Variants in THSD7B observed in about 807,000 individuals in gnomAD.
THSD7B encodes thrombospondin type-1 domain-containing protein 7B.
In THSD7B, 138 loss-of-function variants were observed where a neutral mutation model predicts 213.6. The ratio of observed to expected loss-of-function variants is 0.65; its 90% confidence interval spans 0.56 to 0.74. The LOEUF (loss-of-function observed/expected upper bound fraction) is 0.74, where lower values mean the gene tolerates loss of function less well. THSD7B is among the 30% of genes least tolerant of loss of function. THSD7B has a pLI of 0.00. For synonymous variants in THSD7B, 742 were observed against 687.0 expected (o/e 1.08, Z -1.25); for missense variants, 1,931 against 1,991.5 (o/e 0.97, Z 0.58).
chr2:137,322,342 A>T lies in THSD7B; in HGVS notation c.2500+46316A>T, dbSNP rs1684279736. On this transcript the variant is annotated intron_variant, in intron 12 of 27. Transcript: ENST00000409968. ...ACACTTTCTCAGTAGAGACATTATG[A>T]TGATTAAAATGAAATTAGAGGAGTA... 1.3e-5 allele frequency among the ~76,000 whole-genome samples: 2 copies of T among 152,178 alleles called. 1 individual carries two copies. Among genetic ancestry groups the T allele is most frequent in the South Asian group, 4.1e-4 (2 of 4,822 alleles).
chr2:137,559,759 C>T (rs1250671410), intron 15 of THSD7B, among the ~76,000 whole-genome samples: 1 of 152,130 alleles, frequency 6.6e-6, no homozygotes, highest in Non-Finnish European at 1.5e-5. Flanking sequence ...AAAGAAACTA[C>T]CATCCAATTG....
In THSD7B at chr2:137,297,245, C is replaced by T. The variant is rs141276491; in HGVS notation, c.2500+21219C>T. 5.0e-3 allele frequency among the ~76,000 whole-genome samples: 743 copies of T among 149,126 alleles called. 6 individuals are homozygous for T. Among genetic ancestry groups the T allele is most frequent in the African/African-American group, 0.018 (706 of 40,320 alleles). Reference sequence around the variant, plus strand: ...GCTTCACTGAGATATGATCGCACCACTATTCTCCAGCTGGGGTGACAGAGC... The same window carrying T: ...GCTTCACTGAGATATGATCGCACCATTATTCTCCAGCTGGGGTGACAGAGC... On this transcript the variant is annotated intron_variant, in intron 12 of 27. Coordinates refer to ENST00000409968, the MANE Select transcript of THSD7B (RefSeq NM_001316349.2).
At chr2:136,942,514 C>T (rs1489466862) in intron 2 of THSD7B, among the ~76,000 whole-genome samples, 1 of 152,148 alleles carries the variant, frequency 6.6e-6, no homozygotes, top group East Asian at 1.9e-4. Context: ...TTTGTGTCCT[C>T]TTCTATTTCA....
intron 5 of THSD7B, among the ~76,000 whole-genome samples, chr2:137,126,692 A>G (rs926152578): frequency 6.6e-6 from 1 of 152,202 alleles, no homozygotes; most frequent in African/African-American, 2.4e-5. Flanking sequence ...TGCATTCAGA[A>G]CTGGGCTAAT....
At chr2:136,812,194 G>T (rs1296614735) in intron 1 of THSD7B, among the ~76,000 whole-genome samples, 1 of 152,154 alleles carries the variant, frequency 6.6e-6, no homozygotes, top group African/African-American at 2.4e-5. Flanking sequence ...TCTGGTTGCT[G>T]GATCACACTC....
At chr2:136,893,086 C>A (rs1683893264) in intron 2 of THSD7B, among the ~76,000 whole-genome samples, 1 of 152,138 alleles carries the variant, frequency 6.6e-6, no homozygotes, top group East Asian at 1.9e-4. Flanking sequence ...AACGGGAAGT[C>A]TTCTCATTTA....
chr2:137,134,242 G>A (rs905038228), intron 5 of THSD7B, among the ~76,000 whole-genome samples: 1 of 152,168 alleles, frequency 6.6e-6, no homozygotes, highest in African/African-American at 2.4e-5. Context: ...CTTACCCGCT[G>A]TTTCAGAGCA....
At chr2:136,836,974 A>T (rs939540943) in intron 1 of THSD7B, among the ~76,000 whole-genome samples, 3 of 152,104 alleles carry the variant, frequency 2.0e-5, no homozygotes, top group African/African-American at 7.2e-5. Flanking sequence ...TTCATATTCA[A>T]CCCATTAGCA....
chr2:137,583,610 A>T (rs1339667181), intron 17 of THSD7B, among the ~76,000 whole-genome samples: 8 of 152,070 alleles, frequency 5.3e-5, no homozygotes, highest in South Asian at 2.1e-4. Flanking sequence ...TTTCCCCATT[A>T]TTTGTTTTTC....
At chr2:137,281,936 G>A (rs1573931342) in intron 12 of THSD7B, among the ~76,000 whole-genome samples, 1 of 152,112 alleles carries the variant, frequency 6.6e-6, no homozygotes, top group African/African-American at 2.4e-5. Flanking sequence ...GGATGGCTGG[G>A]TCAAATGGTA....
At chr2:136,959,067 A>G (rs952063685) in intron 2 of THSD7B, among the ~76,000 whole-genome samples, 7 of 152,278 alleles carry the variant, frequency 4.6e-5, no homozygotes, top group African/African-American at 1.7e-4. Flanking sequence ...TTCTTTAAGG[A>G]GTGTAATTGG....
At chr2:137,532,608 G>A (rs181291035) in intron 15 of THSD7B, among the ~76,000 whole-genome samples, 7 of 151,880 alleles carry the variant, frequency 4.6e-5, no homozygotes, top group Non-Finnish European at 1.0e-4. Context: ...CTTGGTTATG[G>A]AATAGAGATA....
At chr2:137,351,162 TC>T (rs1382662528) in intron 12 of THSD7B, among the ~76,000 whole-genome samples, 2 of 151,990 alleles carry the variant, frequency 1.3e-5, no homozygotes, top group African/African-American at 4.8e-5. Flanking sequence ...AGGCTTAAGA[TC>T]ATTCCCTGAA....
At chr2:137,208,943 T>C (rs1450555235) in intron 7 of THSD7B, among the ~76,000 whole-genome samples, 2 of 152,112 alleles carry the variant, frequency 1.3e-5, no homozygotes, top group African/African-American at 2.4e-5. Flanking sequence ...CTGGTTATTG[T>C]ATAACTATGC....
chr2:136,915,011 G>A (rs1172274281), intron 2 of THSD7B, among the ~76,000 whole-genome samples: 2 of 152,126 alleles, frequency 1.3e-5, no homozygotes, highest in African/African-American at 4.8e-5. Flanking sequence ...AAAAATTCAA[G>A]TTAAAAATAA....
intron 15 of THSD7B, among the ~76,000 whole-genome samples, chr2:137,478,298 T>C (rs552598379): frequency 9.2e-5 from 14 of 152,302 alleles, no homozygotes; most frequent in African/African-American, 3.4e-4. Context: ...ACTGGGTTAT[T>C]TTGGAAGACC....
intron 5 of THSD7B, among the ~76,000 whole-genome samples, chr2:137,139,298 A>G (rs576388931): frequency 3.9e-5 from 6 of 152,302 alleles, no homozygotes; most frequent in African/African-American, 1.2e-4. Flanking sequence ...AGTCACCTCC[A>G]TTCTTTTAGA....
At chr2:137,131,099 T>A (rs1688722060) in intron 5 of THSD7B, among the ~76,000 whole-genome samples, 1 of 134,672 alleles carries the variant, frequency 7.4e-6, no homozygotes, top group Non-Finnish European at 1.6e-5. Context: ...TATCTCATTG[T>A]GGTTTTGATT....
At chr2:137,452,837 A>T (rs1319057104) in intron 15 of THSD7B, among the ~76,000 whole-genome samples, 1 of 152,180 alleles carries the variant, frequency 6.6e-6, no homozygotes, top group Non-Finnish European at 1.5e-5. Flanking sequence ...ACTTAAAGGA[A>T]ACTTGTTCTA....
Sources: gnomAD v4.1 joint callset for allele counts (sites outside exome capture counted in the v4.1 genomes callset) on GRCh38, gnomAD v4.1.1 for gene constraint, MANE v1.5 for transcripts, NCBI Gene and HGNC (gene_info 2026-07-23, HGNC 2026-07-21) for gene names.